CYP4X1: variants seen among roughly 807,000 people sequenced by gnomAD.
The protein encoded by CYP4X1 is cytochrome P450 4X1.
In CYP4X1, 44 loss-of-function variants were observed where a neutral mutation model predicts 57.9. The observed-to-expected ratio is 0.76, with a 90% CI of 0.60 to 0.98. The LOEUF is 0.98. CYP4X1 is among the 50% of genes least tolerant of loss of function. CYP4X1 has a pLI of 0.00. For synonymous variants in CYP4X1, 227 were observed against 228.6 expected (o/e 0.99, Z 0.06); for missense variants, 532 against 623.9 (o/e 0.85, Z 1.57).
Position 47,033,333 on chromosome 1 carries a change from A to T in CYP4X1, c.457A>T (p.Ile153Phe), listed in dbSNP as rs1644144046. Residue 153 changes from isoleucine to phenylalanine, a missense_variant, in exon 4 of 12, where the codon ATT becomes TTT. Transcript: ENST00000371901. ...GFHFNILKAY[I>F]EVMAHSVKMM... ...CCATTTTAACATCCTGAAAGCATAC[A>T]TTGAGGTGATGGCTCATTCTGTGAA... The T allele has an allele frequency of 6.2e-7, 1 of 1,613,656 alleles. No individual in the cohort carries two copies. Among genetic ancestry groups the T allele is most frequent in the Non-Finnish European group, 8.5e-7 (1 of 1,179,820 alleles).
intron 8 of CYP4X1, among the ~76,000 whole-genome samples, chr1:47,040,667 C>T (rs1346750506): frequency 6.6e-6 from 1 of 151,822 alleles, no homozygotes; most frequent in Non-Finnish European, 1.5e-5. Context: ...TGTGCATATA[C>T]ATGTTATATA....
the CYP4X1 span, among the ~76,000 whole-genome samples, chr1:47,007,056 G>A: frequency 6.6e-6 from 1 of 152,228 alleles, no homozygotes; most frequent in Non-Finnish European, 1.5e-5. Flanking sequence ...AAATGTCCCT[G>A]TCTGACAGCT....
At chr1:47,042,365 A>T (rs564162781) in intron 8 of CYP4X1, among the ~76,000 whole-genome samples, 1 of 151,238 alleles carries the variant, frequency 6.6e-6, no homozygotes, top group South Asian at 2.1e-4. Context: ...GGTAGTATGG[A>T]TATTTTAACA....
chr1:47,052,430 A>T (rs1168293730), downstream of CYP4X1, among the ~76,000 whole-genome samples: 1 of 152,192 alleles, frequency 6.6e-6, no homozygotes, highest in Non-Finnish European at 1.5e-5. Flanking sequence ...ATAAATGATA[A>T]CAAGTTCACA....
intron 1 of CYP4X1, among the ~76,000 whole-genome samples, chr1:47,026,968 C>A (rs1043460847): frequency 1.3e-5 from 2 of 151,966 alleles, no homozygotes; most frequent in African/African-American, 4.8e-5. Context: ...ACCCGCCTCA[C>A]CCTCCCAAAG....
chr1:47,026,778 C>T (rs746026964), intron 1 of CYP4X1, among the ~76,000 whole-genome samples: 10 of 151,968 alleles, frequency 6.6e-5, no homozygotes, highest in African/African-American at 1.2e-4. Context: ...AGTGCAGTGA[C>T]GCAATCTCGG....
intron 3 of CYP4X1, among the ~76,000 whole-genome samples, chr1:47,031,807 C>A (rs2148507266): frequency 6.6e-6 from 1 of 152,192 alleles, no homozygotes; most frequent in East Asian, 1.9e-4. Flanking sequence ...TTTGGGAGGC[C>A]AAGGTGGGAG....
chr1:47,052,833 C>A (rs1644368092), downstream of CYP4X1, among the ~76,000 whole-genome samples: 2 of 151,796 alleles, frequency 1.3e-5, no homozygotes, highest in African/African-American at 2.4e-5. Flanking sequence ...GCCTGTTGGC[C>A]ATTTATGTTT....
the CYP4X1 span, among the ~76,000 whole-genome samples, chr1:46,991,432 T>G: frequency 6.6e-6 from 1 of 152,158 alleles, no homozygotes; most frequent in Non-Finnish European, 1.5e-5. Flanking sequence ...ATTCCACGCT[T>G]ACCTCCCCTA....
the CYP4X1 span, among the ~76,000 whole-genome samples, chr1:46,995,357 T>C: frequency 6.6e-6 from 1 of 152,022 alleles, no homozygotes. Context: ...AAGTGAAATA[T>C]CCATCCAGGA....
intron 1 of CYP4X1, among the ~76,000 whole-genome samples, chr1:47,028,211 C>G (rs1644090532): frequency 6.6e-6 from 1 of 152,030 alleles, no homozygotes; most frequent in Non-Finnish European, 1.5e-5. Flanking sequence ...CTTGGATGTA[C>G]TGCAGAGAAC....
the CYP4X1 span, among the ~76,000 whole-genome samples, chr1:46,977,892 G>A: frequency 3.9e-5 from 6 of 152,012 alleles, no homozygotes; most frequent in African/African-American, 7.3e-5. Context: ...ATAAGAGAAG[G>A]AGAAATAAAA....
At chr1:47,032,162 T>A (rs1310564933) in intron 3 of CYP4X1, among the ~76,000 whole-genome samples, 1 of 152,182 alleles carries the variant, frequency 6.6e-6, no homozygotes, top group Non-Finnish European at 1.5e-5. Context: ...GTTCCTTTAT[T>A]TCCACATGCG....
intron 10 of CYP4X1, 71 bp downstream of exon 10, chr1:47,048,700 C>A: frequency 1.4e-6 from 2 of 1,388,030 alleles, no homozygotes; most frequent in Non-Finnish European, 2.0e-6. Context: ...GGTAGCTAAG[C>A]ACAGAAGTGG....
the CYP4X1 span, among the ~76,000 whole-genome samples, chr1:46,977,621 G>A: frequency 6.6e-6 from 1 of 151,856 alleles, no homozygotes; most frequent in Non-Finnish European, 1.5e-5. Flanking sequence ...AGGAAATACA[G>A]AGACCAACAA....
At chr1:47,038,563 C>A in intron 6 of CYP4X1, 97 bp from the exon 7 acceptor site, 1 of 817,626 alleles carries the variant, frequency 1.2e-6, no homozygotes, top group Non-Finnish European at 1.9e-6. Flanking sequence ...GTCTGGAAAT[C>A]AGGCAAGATT....
At chr1:47,009,263 A>G in the CYP4X1 span, among the ~76,000 whole-genome samples, 60 of 152,192 alleles carry the variant, frequency 3.9e-4, no homozygotes, top group African/African-American at 1.4e-3. Context: ...AACTCACTCA[A>G]AACCGCTCAA....
the CYP4X1 span, among the ~76,000 whole-genome samples, chr1:46,984,271 T>C: frequency 2.3e-4 from 35 of 151,812 alleles, no homozygotes; most frequent in African/African-American, 7.0e-4. Context: ...TTGTCTTGTC[T>C]CACTCTTCTC....
upstream of CYP4X1, among the ~76,000 whole-genome samples, chr1:47,020,316 C>T (rs1643982431): frequency 6.6e-6 from 1 of 152,224 alleles, no homozygotes; most frequent in South Asian, 2.1e-4. Flanking sequence ...TTCAAGGCCA[C>T]ATCTCCAGTG....
Sources: gnomAD v4.1 joint callset for allele counts (sites outside exome capture counted in the v4.1 genomes callset) on GRCh38, gnomAD v4.1.1 for gene constraint, MANE v1.5 for transcripts, NCBI Gene and HGNC (gene_info 2026-07-23, HGNC 2026-07-21) for gene names.